Variants in CFAP119 observed in about 807,000 individuals in gnomAD.
CFAP119 encodes cilia- and flagella-associated protein 119.
the CFAP119 span, chr16:30,761,522 AGACCAGACTGTCCCGCCCTCACC>A: frequency 6.5e-7 from 1 of 1,535,848 alleles, no homozygotes; most frequent in Non-Finnish European, 8.7e-7. Context: ...ATTCACGAGC[AGACCAGACTGTCCCGCCCTCACC>A]GGAAACAAGT....
chr16:30,760,839 T>C, the CFAP119 span: 5 of 654,936 alleles, frequency 7.6e-6, no homozygotes, highest in African/African-American at 5.4e-5. Context: ...TGAACTCTTA[T>C]GAGCCTCTCC....
At chr16:30,759,765 G>A in the CFAP119 span, 18 of 1,569,494 alleles carry the variant, frequency 1.1e-5, no homozygotes, top group Non-Finnish European at 1.6e-5. Flanking sequence ...GCCCTCTCTG[G>A]TATCCATTCA....
chr16:30,757,505 G>A, the CFAP119 span: 1 of 1,614,128 alleles, frequency 6.2e-7, no homozygotes, highest in Non-Finnish European at 8.5e-7. Context: ...CCTTTACCCG[G>A]AGGTAGCTGG....
the CFAP119 span, chr16:30,761,814 G>A: frequency 2.1e-6 from 3 of 1,406,640 alleles, no homozygotes; most frequent in South Asian, 4.2e-5. Flanking sequence ...GACAGCCAGC[G>A]CTCGGTCGGC....
chr16:30,761,670 C>T, the CFAP119 span: 4 of 1,535,894 alleles, frequency 2.6e-6, no homozygotes, highest in Non-Finnish European at 3.5e-6. Flanking sequence ...TTCCCCGCTT[C>T]CCGCCGCAGC....
the CFAP119 span, chr16:30,761,226 G>T: frequency 1.9e-6 from 3 of 1,613,768 alleles, no homozygotes; most frequent in Non-Finnish European, 2.5e-6. Context: ...CGGGGCAGCG[G>T]CGGCTGCGGA....
the CFAP119 span, chr16:30,757,688 A>C: frequency 6.3e-7 from 1 of 1,578,526 alleles, no homozygotes; most frequent in South Asian, 1.1e-5. Context: ...CAGGGTGAGG[A>C]GAGATGCTGT....
the CFAP119 span, chr16:30,759,651 G>A: frequency 5.6e-6 from 9 of 1,613,930 alleles, no homozygotes; most frequent in Admixed American, 1.7e-5. Context: ...CAGGGGAACT[G>A]ACCCTGACTC....
the CFAP119 span, chr16:30,761,409 G>GTCAC: frequency 2.9e-6 from 4 of 1,402,060 alleles, no homozygotes; most frequent in Non-Finnish European, 4.0e-6. Flanking sequence ...AACCACCGGG[G>GTCAC]TCACACACCC....
the CFAP119 span, chr16:30,759,585 G>A: frequency 5.6e-6 from 9 of 1,614,146 alleles, no homozygotes; most frequent in Non-Finnish European, 6.8e-6. Context: ...GGTGATGAAT[G>A]TGAGAGAGAC....
the CFAP119 span, chr16:30,757,540 T>A: frequency 6.2e-7 from 1 of 1,614,262 alleles, no homozygotes. Context: ...TGCAGTCAAC[T>A]TGCTGCTGAG....
the CFAP119 span, chr16:30,757,522 C>T: frequency 3.7e-5 from 60 of 1,614,124 alleles, no homozygotes; most frequent in Non-Finnish European, 4.8e-5. Context: ...CTGGAAGGGC[C>T]GCTCTAGTGC....
At chr16:30,760,400 G>C in the CFAP119 span, 12 of 1,614,190 alleles carry the variant, frequency 7.4e-6, no homozygotes, top group Admixed American at 1.8e-4. Context: ...CAGGGTGATG[G>C]CGTCCCTCAG....
chr16:30,760,510 C>T, the CFAP119 span: 1 of 1,611,360 alleles, frequency 6.2e-7, no homozygotes. Context: ...ACCCTACACC[C>T]ACCACATGCT....
chr16:30,761,444 C>G, the CFAP119 span: 5 of 1,494,890 alleles, frequency 3.3e-6, no homozygotes, highest in East Asian at 7.4e-5. Flanking sequence ...CCAAGCAGCC[C>G]GGGAGACGTC....
the CFAP119 span, chr16:30,760,180 A>G: frequency 6.2e-7 from 1 of 1,603,550 alleles, no homozygotes. Flanking sequence ...TAATAATGAC[A>G]TATTCCAGGC....
the CFAP119 span, chr16:30,760,501 C>T: frequency 6.2e-7 from 1 of 1,612,246 alleles, no homozygotes; most frequent in Non-Finnish European, 8.5e-7. Context: ...CCTTTCATCA[C>T]CCTACACCCA....
At chr16:30,761,421 T>A in the CFAP119 span, 3 of 1,433,206 alleles carry the variant, frequency 2.1e-6, no homozygotes, top group Non-Finnish European at 2.9e-6. Flanking sequence ...CACACACCCC[T>A]GCCTCTCCTC....
the CFAP119 span, chr16:30,761,082 A>C: frequency 5.9e-6 from 7 of 1,186,640 alleles, no homozygotes; most frequent in Admixed American, 4.5e-5. Context: ...GAGTAATTGC[A>C]TCTCCAGGCC....
Sources: allele counts gnomAD v4.1 joint callset, GRCh38; gene constraint gnomAD v4.1.1; transcripts MANE v1.5; gene names NCBI Gene and HGNC (gene_info 2026-07-23, HGNC 2026-07-21).